Variants in MAGI2 observed in about 807,000 individuals in gnomAD.
MAGI2 encodes the protein membrane-associated guanylate kinase, WW and PDZ domain-containing protein 2.
Under a neutral mutation model 133.3 loss-of-function variants are expected in MAGI2, and 35 were observed. The observed-to-expected ratio is 0.26, with a 90% CI of 0.20 to 0.35. The LOEUF (loss-of-function observed/expected upper bound fraction) is 0.35. Among genes scored for constraint, MAGI2 ranks in the 10% least tolerant of loss-of-function variants. The pLI is 1.00. For synonymous variants in MAGI2, 729 were observed against 710.6 expected (o/e 1.03, Z -0.41); for missense variants, 1,636 against 1,863.4 (o/e 0.88, Z 2.25).
chr7:78,271,067 A>G (rs1794521740), intron 9 of MAGI2, among the ~76,000 whole-genome samples: 1 of 152,076 alleles, frequency 6.6e-6, no homozygotes, highest in Non-Finnish European at 1.5e-5. Flanking sequence ...GAATGCTTAC[A>G]GTTTTTTCCT....
chr7:79,136,017 G>GAA (rs1227425650), intron 1 of MAGI2, among the ~76,000 whole-genome samples: 3 of 108,602 alleles, frequency 2.8e-5, no homozygotes, highest in Non-Finnish European at 5.5e-5. Flanking sequence ...AAGAAAGAAA[G>GAA]AAAGAAAGAA....
At chr7:79,035,729 CT>C (rs1288260674) in intron 1 of MAGI2, among the ~76,000 whole-genome samples, 2 of 152,126 alleles carry the variant, frequency 1.3e-5, no homozygotes, top group African/African-American at 2.4e-5. Context: ...TATATTAAGA[CT>C]TTTCCCTACA....
chr7:79,090,296 A>G (rs1435321520), intron 1 of MAGI2, among the ~76,000 whole-genome samples: 2 of 151,978 alleles, frequency 1.3e-5, no homozygotes, highest in Admixed American at 1.3e-4. Flanking sequence ...TTTAACCTGG[A>G]TTTATATTCT....
At chr7:79,302,509 C>T (rs1447233702) in intron 1 of MAGI2, among the ~76,000 whole-genome samples, 1 of 152,076 alleles carries the variant, frequency 6.6e-6, no homozygotes, top group Non-Finnish European at 1.5e-5. Context: ...ATGACTGGAG[C>T]CAGGGGCAGG....
intron 2 of MAGI2, among the ~76,000 whole-genome samples, chr7:78,799,608 T>C (rs1563519779): frequency 6.6e-6 from 1 of 152,172 alleles, no homozygotes; most frequent in Non-Finnish European, 1.5e-5. Flanking sequence ...ATTACTCTTT[T>C]TCTATGAGGT....
intron 6 of MAGI2, among the ~76,000 whole-genome samples, chr7:78,429,327 A>G (rs528001898): frequency 6.6e-6 from 1 of 152,128 alleles, no homozygotes; most frequent in East Asian, 1.9e-4. Context: ...TTTCTGATAT[A>G]CACCTTTAGG....
At chr7:78,133,146 T>G in intron 17 of MAGI2, 86 bp from the exon 18 acceptor site, 2 of 1,049,394 alleles carry the variant, frequency 1.9e-6, no homozygotes, top group Non-Finnish European at 2.7e-6. Flanking sequence ...ACTTTGCCTC[T>G]GCTGATGGCT....
chr7:78,400,265 G>C (rs923264949), intron 6 of MAGI2, among the ~76,000 whole-genome samples: 4 of 152,068 alleles, frequency 2.6e-5, no homozygotes, highest in Non-Finnish European at 5.9e-5. Flanking sequence ...GTTGTGACTG[G>C]AGGCTTTCTA....
chr7:78,897,842 A>G (rs1351435105), intron 2 of MAGI2, among the ~76,000 whole-genome samples: 1 of 152,216 alleles, frequency 6.6e-6, no homozygotes, highest in Non-Finnish European at 1.5e-5. Flanking sequence ...AATGAAAACA[A>G]AAATTGACAA....
At chr7:79,310,331 T>A (rs1441581084) in intron 1 of MAGI2, among the ~76,000 whole-genome samples, 1 of 152,042 alleles carries the variant, frequency 6.6e-6, no homozygotes, top group Non-Finnish European at 1.5e-5. Flanking sequence ...CATAAGGCAT[T>A]TATTATTGAA....
intron 3 of MAGI2, among the ~76,000 whole-genome samples, chr7:78,619,495 C>T (rs536804354): frequency 2.6e-5 from 4 of 151,892 alleles, no homozygotes; most frequent in African/African-American, 9.6e-5. Flanking sequence ...TGATATTAGT[C>T]TTTAAGTTAA....
chr7:78,389,050 TG>T (rs1795662501), intron 6 of MAGI2, among the ~76,000 whole-genome samples: 1 of 152,224 alleles, frequency 6.6e-6, no homozygotes, highest in Non-Finnish European at 1.5e-5. Flanking sequence ...AGATAAAATC[TG>T]TGTTTTAGAA....
chr7:79,255,142 A>G (rs1222268029), intron 1 of MAGI2, among the ~76,000 whole-genome samples: 1 of 152,156 alleles, frequency 6.6e-6, no homozygotes, highest in Non-Finnish European at 1.5e-5. Flanking sequence ...TACTTTCATT[A>G]TTATACTTAC....
At chr7:79,175,575 GT>G (rs891929481) in intron 1 of MAGI2, among the ~76,000 whole-genome samples, 4 of 151,948 alleles carry the variant, frequency 2.6e-5, no homozygotes, top group African/African-American at 9.7e-5. Context: ...GACAAGGATA[GT>G]TCTGAGAAAT....
intron 1 of MAGI2, among the ~76,000 whole-genome samples, chr7:79,063,453 T>C (rs1813978316): frequency 6.6e-6 from 1 of 152,134 alleles, no homozygotes; most frequent in Admixed American, 6.6e-5. Flanking sequence ...AGTTTGAAAT[T>C]GACCCACAGA....
At chr7:78,960,322 A>G (rs1802733238) in intron 2 of MAGI2, among the ~76,000 whole-genome samples, 1 of 152,156 alleles carries the variant, frequency 6.6e-6, no homozygotes, top group South Asian at 2.1e-4. Flanking sequence ...ATAACGTAGA[A>G]CAGGTAATGT....
intron 9 of MAGI2, among the ~76,000 whole-genome samples, chr7:78,327,860 C>T (rs1274511922): frequency 6.6e-6 from 1 of 152,130 alleles, no homozygotes; most frequent in Non-Finnish European, 1.5e-5. Context: ...TGACTCAGGG[C>T]TAAGTGCCCC....
chr7:78,982,333 A>G (rs1804866083), intron 2 of MAGI2, among the ~76,000 whole-genome samples: 1 of 151,952 alleles, frequency 6.6e-6, no homozygotes, highest in Non-Finnish European at 1.5e-5. Context: ...TCTAAGCTTC[A>G]GTTTATTCAT....
At chr7:79,007,401 GTCTGTGT>G (rs1274305524) in intron 1 of MAGI2, among the ~76,000 whole-genome samples, 195 bp from the exon 2 acceptor site, 1 of 152,130 alleles carries the variant, frequency 6.6e-6, no homozygotes, top group Non-Finnish European at 1.5e-5. Context: ...TGCCTGCCAA[GTCTGTGT>G]TCAATGCTTT....
Sources: gnomAD v4.1 joint callset for allele counts (sites outside exome capture counted in the v4.1 genomes callset) on GRCh38, gnomAD v4.1.1 for gene constraint, MANE v1.5 for transcripts, NCBI Gene and HGNC (gene_info 2026-07-23, HGNC 2026-07-21) for gene names.